The following DNAAF5 variants were observed in gnomAD, a reference collection of about 807,000 sequenced individuals.
DNAAF5 encodes the protein dynein axonemal assembly factor 5.
Under a neutral mutation model 75.8 loss-of-function variants are expected in DNAAF5, and 64 were observed. The observed-to-expected ratio is 0.84, with a 90% CI of 0.69 to 1.04. The LOEUF (loss-of-function observed/expected upper bound fraction) is 1.04, where lower values mean the gene tolerates loss of function less well. Among genes scored for constraint, DNAAF5 ranks in the 50% least tolerant of loss-of-function variants. The pLI, the probability that DNAAF5 is intolerant of heterozygous loss-of-function variation, is 0.00. For missense variants in DNAAF5, 1,269 were observed against 1,178.5 expected, an observed-to-expected ratio of 1.08 and a Z score of -1.12; for synonymous variants, 657 against 557.2, an observed-to-expected ratio of 1.18 and a Z score of -2.52.
intron 12 of DNAAF5, among the ~76,000 whole-genome samples, chr7:781,909 C>A (rs566148599): frequency 6.8e-4 from 103 of 152,354 alleles, no homozygotes; most frequent in African/African-American, 2.1e-3. Flanking sequence ...GGCGGCGGTT[C>A]TAAGATACAG....
In DNAAF5 at chr7:747,682, C is replaced by T. The variant is rs147399486; in HGVS notation, c.1024+6217C>T. Among the ~76,000 whole-genome samples the T allele has an allele frequency of 5.1e-3, 645 of 127,226 alleles. 8 individuals are homozygous for T. Among genetic ancestry groups the T allele is most frequent in the East Asian group, 0.038 (142 of 3,690 alleles). The allele number at this position is 127,226 out of a possible 152,430, so 83.5% of individuals were successfully genotyped here. Reference sequence around the variant, plus strand: ...GGTTTGCTGGTTTCAGTGTGTCCGGCTGGTGTGCAGTGGTGGCCCACGGTG... The same window carrying T: ...GGTTTGCTGGTTTCAGTGTGTCCGGTTGGTGTGCAGTGGTGGCCCACGGTG... On this transcript the variant is annotated intron_variant, in intron 4 of 12. Transcript: ENST00000297440.
At chr7:757,612 G>C (rs1374156237) in intron 6 of DNAAF5, among the ~76,000 whole-genome samples, 1 of 152,272 alleles carries the variant, frequency 6.6e-6, no homozygotes, top group Non-Finnish European at 1.5e-5. Flanking sequence ...CTTGAGCTCA[G>C]AAGCTGGAAC....
At chr7:743,943 T>C (rs1562380343) in intron 4 of DNAAF5, among the ~76,000 whole-genome samples, 2 of 150,660 alleles carry the variant, frequency 1.3e-5, no homozygotes, top group Admixed American at 1.3e-4. Flanking sequence ...TTTATTTTAT[T>C]TTATTATTAT....
At chr7:748,259 C>T (rs1467488194) in intron 4 of DNAAF5, among the ~76,000 whole-genome samples, 4 of 121,454 alleles carry the variant, frequency 3.3e-5, no homozygotes, top group Admixed American at 8.3e-5. Context: ...TGAGCGTGTC[C>T]GGCTGGTGTG....
At position 765,317 on chromosome 7, in the gene DNAAF5, A is replaced by G. The variant is rs138352790; in HGVS notation, c.1783+1343A>G. ...AGAGAACTCCCGAGGCAGCGACTCCAGAGCCTCCCTCAGCCCCTCTCCCAC... is the reference window on the plus strand; with the variant it reads ...AGAGAACTCCCGAGGCAGCGACTCCGGAGCCTCCCTCAGCCCCTCTCCCAC... On this transcript the variant is annotated intron_variant, in intron 8 of 12. Transcript: ENST00000297440. Among the ~76,000 whole-genome samples, 411 of 152,314 alleles carry G rather than the reference A, an allele frequency of 2.7e-3. 4 individuals are homozygous for G. Among genetic ancestry groups the G allele is most frequent in the African/African-American group, 9.1e-3 (380 of 41,580 alleles).
At chr7:750,695 C>A (rs147415952) in intron 4 of DNAAF5, among the ~76,000 whole-genome samples, 32 of 152,276 alleles carry the variant, frequency 2.1e-4, no homozygotes, top group Non-Finnish European at 3.5e-4. Context: ...TCCTAACAGG[C>A]CTTAAACCAG....
intron 2 of DNAAF5, among the ~76,000 whole-genome samples, chr7:734,955 G>A (rs1472029204): frequency 6.6e-6 from 1 of 152,012 alleles, no homozygotes; most frequent in Non-Finnish European, 1.5e-5. Flanking sequence ...TGCTCATAGT[G>A]TTGTTCTTCA....
chr7:734,736 G>T (rs977241563), intron 2 of DNAAF5, among the ~76,000 whole-genome samples: 2 of 152,160 alleles, frequency 1.3e-5, no homozygotes, highest in African/African-American at 2.4e-5. Flanking sequence ...TTTCATTGCG[G>T]CTTCAATATC....
At chr7:753,415 A>C (rs1421836193) in intron 4 of DNAAF5, among the ~76,000 whole-genome samples, 6 of 152,254 alleles carry the variant, frequency 3.9e-5, no homozygotes, top group African/African-American at 1.4e-4. Context: ...AGTGCAGCTC[A>C]GTCACGGGAC....
chr7:769,734 C>T (rs111930160), intron 8 of DNAAF5, among the ~76,000 whole-genome samples: 69 of 151,360 alleles, frequency 4.6e-4, no homozygotes, highest in African/African-American at 1.4e-3. Context: ...CTCAGCTCAC[C>T]GCAACTTCCG....
At chr7:750,130 G>A (rs192320120) in intron 4 of DNAAF5, among the ~76,000 whole-genome samples, 1 of 152,334 alleles carries the variant, frequency 6.6e-6, no homozygotes, top group Admixed American at 6.5e-5. Flanking sequence ...GTAACATTGT[G>A]TTTCTCCTTT....
At chr7:775,910 A>G (rs1778746133) in intron 11 of DNAAF5, among the ~76,000 whole-genome samples, 1 of 152,170 alleles carries the variant, frequency 6.6e-6, no homozygotes, top group South Asian at 2.1e-4. Context: ...TGCAAATACT[A>G]TGCCTTTTTT....
At chr7:727,478 GC>G (rs1359238568) in intron 1 of DNAAF5, 163 bp downstream of exon 1, 1 of 291,076 alleles carries the variant, frequency 3.4e-6, no homozygotes, top group African/African-American at 3.0e-5. Context: ...CCACCCGCCT[GC>G]CCCAAAGCAC....
chr7:736,847 T>G (rs574281475), intron 2 of DNAAF5, among the ~76,000 whole-genome samples: 96 of 151,444 alleles, frequency 6.3e-4, no homozygotes, highest in African/African-American at 1.4e-3. Flanking sequence ...AATTTCTTTT[T>G]TGTGTGTGTG....
chr7:762,342 C>T (rs1562391309), intron 7 of DNAAF5, among the ~76,000 whole-genome samples: 2 of 152,034 alleles, frequency 1.3e-5, no homozygotes, highest in Admixed American at 1.3e-4. Context: ...AAAAAATTAG[C>T]CAGGCGTGTT....
chr7:735,992 T>C (rs1013069245), intron 2 of DNAAF5, among the ~76,000 whole-genome samples: 7 of 152,212 alleles, frequency 4.6e-5, no homozygotes, highest in Non-Finnish European at 8.8e-5. Flanking sequence ...TTTTAAAATT[T>C]CCTTCTTAAT....
At chr7:729,404 C>G (rs1364864987) in intron 1 of DNAAF5, among the ~76,000 whole-genome samples, 1 of 152,242 alleles carries the variant, frequency 6.6e-6, no homozygotes, top group African/African-American at 2.4e-5. Context: ...CAGCCTTTCC[C>G]CGCTGGTCCT....
intron 12 of DNAAF5, among the ~76,000 whole-genome samples, chr7:784,628 A>G (rs1779091582): frequency 6.6e-6 from 1 of 151,922 alleles, no homozygotes; most frequent in African/African-American, 2.4e-5. Context: ...CCTGATTTTC[A>G]TCATCGGCCA....
At chr7:769,575 G>A (rs544453030) in intron 8 of DNAAF5, among the ~76,000 whole-genome samples, 1 of 152,162 alleles carries the variant, frequency 6.6e-6, no homozygotes, top group Non-Finnish European at 1.5e-5. Flanking sequence ...TTCTTTCACT[G>A]AAACAATTGA....
Sources: allele counts gnomAD v4.1 joint callset (sites outside exome capture counted in the v4.1 genomes callset), GRCh38; gene constraint gnomAD v4.1.1; transcripts MANE v1.5; gene names NCBI Gene and HGNC (gene_info 2026-07-23, HGNC 2026-07-21).